Variants in CLDN16 observed in about 807,000 individuals in gnomAD.
The protein encoded by CLDN16 is claudin 16.
A neutral mutation model predicts 24.6 loss-of-function variants in CLDN16; 13 were observed. The observed-to-expected ratio is 0.53, with a 90% CI of 0.34 to 0.84. CLDN16 has a LOEUF of 0.84. CLDN16 is among the 40% of genes least tolerant of loss of function. The pLI is 0.01. For synonymous variants in CLDN16, 116 were observed against 106.7 expected (o/e 1.09, Z -0.54); for missense variants, 298 against 292.7 (o/e 1.02, Z -0.13).
chr3:190,298,517 G>A, the CLDN16 span, among the ~76,000 whole-genome samples: 1 of 149,884 alleles, frequency 6.7e-6, no homozygotes, highest in African/African-American at 2.5e-5. Context: ...GTGCAATGGC[G>A]TGATCTCTGC....
chr3:190,330,328 T>C (rs976836505), intron 1 of CLDN16, among the ~76,000 whole-genome samples: 3 of 152,332 alleles, frequency 2.0e-5, no homozygotes, highest in African/African-American at 7.2e-5. Flanking sequence ...TAACTAGTTG[T>C]GATCCATGTT....
the CLDN16 span, among the ~76,000 whole-genome samples, chr3:190,309,064 T>C: frequency 6.6e-6 from 1 of 152,142 alleles, no homozygotes; most frequent in Non-Finnish European, 1.5e-5. Context: ...TTCTATAAGT[T>C]ATAAGGCCAA....
At chr3:190,354,606 T>C (rs1177150896) in intron 1 of CLDN16, among the ~76,000 whole-genome samples, 1 of 151,926 alleles carries the variant, frequency 6.6e-6, no homozygotes, top group Admixed American at 6.6e-5. Context: ...CATTTCTACT[T>C]TTTAAAAGTG....
upstream of CLDN16, chr3:190,322,150 G>A: frequency 2.5e-6 from 4 of 1,614,196 alleles, no homozygotes; most frequent in Non-Finnish European, 3.4e-6. Flanking sequence ...CGATGGCGCC[G>A]ATCCATCCCA....
the CLDN16 span, chr3:190,308,151 T>C: frequency 2.6e-6 from 3 of 1,143,390 alleles, no homozygotes; most frequent in Non-Finnish European, 3.9e-6. Context: ...TTTGTTTGTT[T>C]GTTTGTTTTG....
At chr3:190,360,826 T>C (rs1208702723) in intron 1 of CLDN16, among the ~76,000 whole-genome samples, 1 of 151,924 alleles carries the variant, frequency 6.6e-6, no homozygotes, top group Non-Finnish European at 1.5e-5. Context: ...TTTAAGAATA[T>C]ACATTCTTAG....
chr3:190,383,548 C>T (rs192023570), upstream of CLDN16, among the ~76,000 whole-genome samples: 21 of 152,184 alleles, frequency 1.4e-4, no homozygotes, highest in African/African-American at 3.4e-4. Flanking sequence ...TGGAAGGAAG[C>T]GGTATCTTTG....
At chr3:190,343,905 G>T (rs1418542217) in intron 1 of CLDN16, among the ~76,000 whole-genome samples, 1 of 152,026 alleles carries the variant, frequency 6.6e-6, no homozygotes, top group Non-Finnish European at 1.5e-5. Context: ...TACAAATAGA[G>T]ACTACAGTAA....
chr3:190,331,174 C>A (rs1047303087), intron 1 of CLDN16, among the ~76,000 whole-genome samples: 1 of 152,282 alleles, frequency 6.6e-6, no homozygotes, highest in East Asian at 1.9e-4. Flanking sequence ...TTATGCCTGC[C>A]CTTAGTGCTG....
intron 1 of CLDN16, among the ~76,000 whole-genome samples, chr3:190,394,742 G>A (rs950781189): frequency 6.6e-6 from 1 of 152,054 alleles, no homozygotes; most frequent in Non-Finnish European, 1.5e-5. Flanking sequence ...GATATGAGGT[G>A]ATTATTGAAA....
At chr3:190,370,606 A>C (rs998877598) in intron 1 of CLDN16, among the ~76,000 whole-genome samples, 1 of 151,932 alleles carries the variant, frequency 6.6e-6, no homozygotes, top group Non-Finnish European at 1.5e-5. Flanking sequence ...ACCTGCAAAA[A>C]AAGTGTTTTG....
At chr3:190,304,563 CTGAT>C in the CLDN16 span, among the ~76,000 whole-genome samples, 2 of 152,148 alleles carry the variant, frequency 1.3e-5, no homozygotes, top group Non-Finnish European at 2.9e-5. Flanking sequence ...GAGAAACTCT[CTGAT>C]TGCCTATTTT....
chr3:190,325,320 G>A (rs1717038076), intron 1 of CLDN16, among the ~76,000 whole-genome samples: 1 of 150,378 alleles, frequency 6.6e-6, no homozygotes, highest in Admixed American at 6.8e-5. Context: ...AATCAATCGA[G>A]GACAATTTTT....
chr3:190,405,123 C>A (rs559201597), intron 3 of CLDN16, among the ~76,000 whole-genome samples, 197 bp downstream of exon 3: 65 of 152,238 alleles, frequency 4.3e-4, no homozygotes, highest in African/African-American at 1.6e-3. Flanking sequence ...TTGTTAATAT[C>A]TCAGAACAAA....
At chr3:190,371,317 T>C (rs1560089650) in intron 2 of CLDN16, among the ~76,000 whole-genome samples, 1 of 151,838 alleles carries the variant, frequency 6.6e-6, no homozygotes, top group Non-Finnish European at 1.5e-5. Context: ...TAGATAGATA[T>C]ACATGAGTCA....
intron 1 of CLDN16, among the ~76,000 whole-genome samples, chr3:190,368,230 G>T (rs1329458901): frequency 6.6e-6 from 1 of 151,926 alleles, no homozygotes; most frequent in Non-Finnish European, 1.5e-5. Flanking sequence ...CATCTTGAAA[G>T]CACACTCTGT....
intron 1 of CLDN16, among the ~76,000 whole-genome samples, chr3:190,390,149 T>C (rs887978003): frequency 6.6e-6 from 1 of 152,218 alleles, no homozygotes; most frequent in African/African-American, 2.4e-5. Flanking sequence ...AGTAAACCCT[T>C]GCTAACCTTG....
chr3:190,394,541 C>G (rs1169649607), intron 1 of CLDN16, among the ~76,000 whole-genome samples: 1 of 152,018 alleles, frequency 6.6e-6, no homozygotes, highest in Non-Finnish European at 1.5e-5. Flanking sequence ...CATTTTTAAA[C>G]TTTCCAATTG....
chr3:190,296,473 G>A, the CLDN16 span, among the ~76,000 whole-genome samples: 1 of 151,934 alleles, frequency 6.6e-6, no homozygotes, highest in African/African-American at 2.4e-5. Flanking sequence ...AAGGAGACTA[G>A]TATGGCCAGG....
Sources: gnomAD v4.1 joint callset for allele counts (sites outside exome capture counted in the v4.1 genomes callset) on GRCh38, gnomAD v4.1.1 for gene constraint, MANE v1.5 for transcripts, NCBI Gene and HGNC (gene_info 2026-07-23, HGNC 2026-07-21) for gene names.